CDKAL1: variants seen among roughly 807,000 people sequenced by gnomAD.
The protein encoded by CDKAL1 is threonylcarbamoyladenosine tRNA methylthiotransferase.
In CDKAL1, 32 loss-of-function variants were observed where a neutral mutation model predicts 68.2. The observed-to-expected ratio is 0.47, with a 90% CI of 0.35 to 0.63. The LOEUF (loss-of-function observed/expected upper bound fraction) is 0.63. CDKAL1 is among the 30% of genes least tolerant of loss of function. CDKAL1 has a pLI of 0.00. For synonymous variants in CDKAL1, 234 were observed against 244.3 expected, an observed-to-expected ratio of 0.96 and a Z score of 0.39; for missense variants, 606 against 696.7, an observed-to-expected ratio of 0.87 and a Z score of 1.47.
chr6:20,575,925 T>G (rs1466454016), intron 4 of CDKAL1, among the ~76,000 whole-genome samples: 1 of 152,132 alleles, frequency 6.6e-6, no homozygotes, highest in East Asian at 1.9e-4. Flanking sequence ...CTTTAAACTC[T>G]CAAATGCTAA....
At chr6:21,151,313 C>T (rs1776400732) in intron 13 of CDKAL1, among the ~76,000 whole-genome samples, 1 of 152,188 alleles carries the variant, frequency 6.6e-6, no homozygotes, top group Non-Finnish European at 1.5e-5. Flanking sequence ...TAACCCTCTC[C>T]GACCCAGCCT....
intron 10 of CDKAL1, among the ~76,000 whole-genome samples, chr6:20,979,662 C>T (rs529223313): frequency 1.3e-5 from 2 of 151,856 alleles, no homozygotes; most frequent in Non-Finnish European, 2.9e-5. Context: ...GTGCGGCCGA[C>T]GAAGTCCAGA....
chr6:21,157,563 T>TC (rs1311078502), intron 13 of CDKAL1, among the ~76,000 whole-genome samples: 1 of 152,230 alleles, frequency 6.6e-6, no homozygotes, highest in African/African-American at 2.4e-5. Flanking sequence ...TTGTAGTTTT[T>TC]ACTTAAGTAA....
At chr6:20,992,031 C>CTTTTTTTTTTTTTTTTTTTTTTTTT (rs71530401) in intron 10 of CDKAL1, among the ~76,000 whole-genome samples, 2 of 100,476 alleles carry the variant, frequency 2.0e-5, no homozygotes, top group African/African-American at 4.3e-5. Flanking sequence ...TTTTTCTTTT[C>CTTTTTTTTTTTTTTTTTTTTTTTTT]TTTTTTTTTT....
At chr6:20,814,431 C>T (rs1003692087) in intron 8 of CDKAL1, among the ~76,000 whole-genome samples, 1 of 152,120 alleles carries the variant, frequency 6.6e-6, no homozygotes, top group African/African-American at 2.4e-5. Context: ...AGGCACTTGC[C>T]ACCATACCCA....
At chr6:20,620,848 T>C (rs1419477583) in intron 4 of CDKAL1, among the ~76,000 whole-genome samples, 1 of 152,190 alleles carries the variant, frequency 6.6e-6, no homozygotes, top group Non-Finnish European at 1.5e-5. Context: ...GCTTCTCCTA[T>C]TATTTACATC....
At chr6:20,590,022 A>G (rs1765526823) in intron 4 of CDKAL1, among the ~76,000 whole-genome samples, 1 of 152,200 alleles carries the variant, frequency 6.6e-6, no homozygotes, top group Non-Finnish European at 1.5e-5. Flanking sequence ...TGCTTATTCC[A>G]TATGACAGTT....
At chr6:20,664,724 G>A (rs912701094) in intron 5 of CDKAL1, among the ~76,000 whole-genome samples, 3 of 152,052 alleles carry the variant, frequency 2.0e-5, no homozygotes, top group Non-Finnish European at 4.4e-5. Context: ...GAACTGGAGT[G>A]TATTCATTGA....
chr6:20,574,924 C>G (rs1764850014), intron 4 of CDKAL1, among the ~76,000 whole-genome samples: 1 of 152,048 alleles, frequency 6.6e-6, no homozygotes, highest in South Asian at 2.1e-4. Flanking sequence ...TCAGTTAATT[C>G]ATTCTTTAGT....
chr6:21,104,195 A>G (rs1192025922), intron 12 of CDKAL1, among the ~76,000 whole-genome samples: 1 of 150,628 alleles, frequency 6.6e-6, no homozygotes, highest in Admixed American at 6.6e-5. Flanking sequence ...AGCCACTTGG[A>G]ATATTTTTTG....
At chr6:21,205,436 A>G (rs1019501833) in intron 15 of CDKAL1, among the ~76,000 whole-genome samples, 2 of 152,152 alleles carry the variant, frequency 1.3e-5, no homozygotes, top group Admixed American at 1.3e-4. Flanking sequence ...CAAGGGTTCC[A>G]GTCTCTCCAC....
intron 13 of CDKAL1, among the ~76,000 whole-genome samples, chr6:21,151,450 C>T (rs555566082): frequency 2.0e-5 from 3 of 152,304 alleles, no homozygotes; most frequent in Non-Finnish European, 4.4e-5. Flanking sequence ...ACTCTGTGTT[C>T]AGCCAAAGCC....
intron 12 of CDKAL1, among the ~76,000 whole-genome samples, chr6:21,106,656 T>G (rs530567740): frequency 6.6e-6 from 1 of 152,340 alleles, no homozygotes; most frequent in Admixed American, 6.5e-5. Context: ...GTATTTATAT[T>G]GTATTAGATA....
intron 9 of CDKAL1, among the ~76,000 whole-genome samples, chr6:20,944,212 AAGAAT>A (rs1214519297): frequency 3.9e-5 from 6 of 152,228 alleles, no homozygotes; most frequent in Non-Finnish European, 8.8e-5. Context: ...TGTTTCTCTC[AAGAAT>A]CACATTCCTT....
At chr6:20,578,784 G>T (rs1765019420) in intron 4 of CDKAL1, among the ~76,000 whole-genome samples, 1 of 152,294 alleles carries the variant, frequency 6.6e-6, no homozygotes, top group Admixed American at 6.5e-5. Context: ...TTGACTTGGT[G>T]TTTGACAAAA....
Position 20,986,528 on chromosome 6 carries a change from G to A in CDKAL1, c.910-13699G>A, listed in dbSNP as rs150396490. 5.6e-4 allele frequency among the ~76,000 whole-genome samples: 84 copies of A among 151,118 alleles called. 1 individual carries two copies. In the East Asian group the frequency reaches 0.014, roughly 24 times the overall value. ...TTTATGTGCACTACTTATTTTATGC[G>A]TTTTTTTTCTAAGGGAATGGGACAG... On this transcript the variant is annotated intron_variant, in intron 10 of 15. Coordinates refer to ENST00000274695, the MANE Select transcript of CDKAL1 (RefSeq NM_017774.3).
chr6:20,745,695 G>A (rs757791057), intron 6 of CDKAL1, among the ~76,000 whole-genome samples: 3 of 151,796 alleles, frequency 2.0e-5, no homozygotes, highest in Admixed American at 6.6e-5. Context: ...TCAAATTCTC[G>A]GCTAATACTA....
chr6:21,017,752 A>T (rs1296173310), intron 11 of CDKAL1, among the ~76,000 whole-genome samples: 1 of 152,172 alleles, frequency 6.6e-6, no homozygotes, highest in Non-Finnish European at 1.5e-5. Context: ...CCAAGCTATT[A>T]TATATTTCTT....
chr6:20,867,211 C>A (rs1759957417), intron 9 of CDKAL1, among the ~76,000 whole-genome samples: 1 of 152,072 alleles, frequency 6.6e-6, no homozygotes, highest in South Asian at 2.1e-4. Flanking sequence ...TAGAGTAAAT[C>A]TCTTACAATT....
Sources: allele counts gnomAD v4.1 joint callset (sites outside exome capture counted in the v4.1 genomes callset), GRCh38; gene constraint gnomAD v4.1.1; transcripts MANE v1.5; gene names NCBI Gene and HGNC (gene_info 2026-07-23, HGNC 2026-07-21).